The following GRID2 variants were observed in gnomAD, a reference collection of about 807,000 sequenced individuals.
GRID2 encodes the protein glutamate ionotropic receptor delta type subunit 2, also known as glutamate receptor ionotropic, delta-2.
GRID2 carries 33 observed loss-of-function variants against 114.8 expected under a neutral mutation model. The ratio of observed to expected loss-of-function variants is 0.29; its 90% CI spans 0.22 to 0.38. GRID2 has a LOEUF of 0.38. Ranked by LOEUF, GRID2 falls within the 10% of genes least tolerant of loss-of-function variation. The pLI, the probability that GRID2 is intolerant of heterozygous loss-of-function variation, is 1.00. For synonymous variants in GRID2, 505 were observed against 449.9 expected (o/e 1.12, Z -1.55); for missense variants, 1,184 against 1,257.7 (o/e 0.94, Z 0.89).
chr4:93,664,583 C>T (rs1723787344), intron 14 of GRID2, among the ~76,000 whole-genome samples: 1 of 152,088 alleles, frequency 6.6e-6, no homozygotes, highest in Admixed American at 6.6e-5. Context: ...TTGGTTTGAA[C>T]AACTAGAAGG....
At chr4:92,649,082 T>TTAACTATAG (rs1329503592) in intron 2 of GRID2, among the ~76,000 whole-genome samples, 19 of 124,024 alleles carry the variant, frequency 1.5e-4, no homozygotes, top group South Asian at 5.2e-4. Context: ...TTACTAAAAG[T>TTAACTATAG]TAACTATAGT....
At chr4:92,740,693 TAGA>T (rs1314097383) in intron 2 of GRID2, among the ~76,000 whole-genome samples, 1 of 17,304 alleles carries the variant, frequency 5.8e-5, no homozygotes, top group Non-Finnish European at 1.3e-4. Context: ...AGATAGATGA[TAGA>T]TAGATAGATA....
At chr4:92,829,075 A>G (rs1741925653) in intron 2 of GRID2, among the ~76,000 whole-genome samples, 1 of 152,154 alleles carries the variant, frequency 6.6e-6, no homozygotes. Context: ...TGTTTTAGTC[A>G]TGAAGTCTTT....
intron 2 of GRID2, among the ~76,000 whole-genome samples, chr4:92,640,277 T>C (rs1731281359): frequency 6.6e-6 from 1 of 151,808 alleles, no homozygotes; most frequent in Admixed American, 6.6e-5. Context: ...GATTTAATCT[T>C]ATATAAAAAG....
chr4:92,688,819 A>G (rs942511514), intron 2 of GRID2, among the ~76,000 whole-genome samples: 1 of 152,168 alleles, frequency 6.6e-6, no homozygotes, highest in Admixed American at 6.5e-5. Context: ...AGAATGGTGA[A>G]ATCTTTCTAG....
At position 93,272,767 on chromosome 4, in the gene GRID2, G is replaced by C. The variant is rs185350679; in HGVS notation, c.1245+34277G>C. On this transcript the variant is annotated intron_variant, in intron 8 of 15. Coordinates refer to ENST00000282020, the MANE Select transcript of GRID2 (RefSeq NM_001510.4). ...GACTACTGTAATAATGGTCCAGCAA[G>C]AGCTAGGGTGGCAGTCGACATGCAA... Among the ~76,000 whole-genome samples the C allele has an allele frequency of 1.2e-3, 179 of 152,320 alleles. 3 individuals are homozygous for C. Among genetic ancestry groups the C allele is most frequent in the African/African-American group, 4.3e-3 (177 of 41,584 alleles).
chr4:93,626,940 A>G (rs1377381166), intron 14 of GRID2, among the ~76,000 whole-genome samples: 2 of 152,322 alleles, frequency 1.3e-5, no homozygotes, highest in East Asian at 1.9e-4. Context: ...ACATCAAAGT[A>G]TATGTGAGAT....
intron 1 of GRID2, among the ~76,000 whole-genome samples, chr4:92,545,607 A>G (rs1726208747): frequency 6.6e-6 from 1 of 152,192 alleles, no homozygotes; most frequent in South Asian, 2.1e-4. Context: ...GGTAAATTTA[A>G]GTTCTAGAAT....
At chr4:93,354,202 C>T (rs1425809869) in intron 8 of GRID2, among the ~76,000 whole-genome samples, 1 of 151,990 alleles carries the variant, frequency 6.6e-6, no homozygotes, top group Non-Finnish European at 1.5e-5. Flanking sequence ...TCCAGTAACA[C>T]TAAGCCTTTT....
At chr4:93,437,409 A>G (rs886945198) in intron 10 of GRID2, among the ~76,000 whole-genome samples, 4 of 98,776 alleles carry the variant, frequency 4.0e-5, no homozygotes, top group African/African-American at 1.2e-4. Flanking sequence ...TCTGCAAAGC[A>G]TTTAAATAAA....
At chr4:92,662,308 C>T (rs562003172) in intron 2 of GRID2, among the ~76,000 whole-genome samples, 3 of 150,984 alleles carry the variant, frequency 2.0e-5, no homozygotes, top group Non-Finnish European at 3.0e-5. Context: ...ATATTTACTG[C>T]GTCATAATTT....
intron 4 of GRID2, among the ~76,000 whole-genome samples, chr4:93,143,605 TC>T (rs1396376263): frequency 1.3e-5 from 2 of 152,218 alleles, no homozygotes; most frequent in Non-Finnish European, 2.9e-5. Flanking sequence ...ACTATTACAT[TC>T]CACTTTAGAA....
At chr4:93,645,564 A>T (rs753291071) in intron 14 of GRID2, among the ~76,000 whole-genome samples, 2 of 152,146 alleles carry the variant, frequency 1.3e-5, no homozygotes, top group Non-Finnish European at 2.9e-5. Flanking sequence ...TTGCATTCCT[A>T]TTCTTTCCAT....
chr4:93,417,148 A>G (rs910737182), intron 9 of GRID2, among the ~76,000 whole-genome samples: 3 of 152,164 alleles, frequency 2.0e-5, no homozygotes, highest in African/African-American at 7.2e-5. Context: ...CTATAAAGGA[A>G]GACTCAAAGC....
intron 1 of GRID2, among the ~76,000 whole-genome samples, chr4:92,564,392 G>T (rs1727237399): frequency 6.6e-6 from 1 of 151,944 alleles, no homozygotes; most frequent in African/African-American, 2.4e-5. Context: ...TAATGGAGAA[G>T]AAAGACATAT....
intron 3 of GRID2, among the ~76,000 whole-genome samples, chr4:93,089,148 A>T (rs192425795): frequency 1.3e-5 from 2 of 152,166 alleles, no homozygotes; most frequent in South Asian, 2.1e-4. Context: ...AATATGAATG[A>T]TCTCTTCCTG....
intron 1 of GRID2, among the ~76,000 whole-genome samples, chr4:92,397,342 A>ATGTGTGTG (rs58085283): frequency 0.023 from 3,283 of 142,690 alleles, 122 homozygotes; most frequent in African/African-American, 0.081. Flanking sequence ...GTGTGTTTGT[A>ATGTGTGTG]TGTGTGTGTG....
intron 9 of GRID2, among the ~76,000 whole-genome samples, chr4:93,398,133 G>GTGTGTGTGTGTA: frequency 8.2e-6 from 1 of 122,336 alleles, no homozygotes; most frequent in African/African-American, 3.9e-5. Context: ...ATGTGTGTGT[G>GTGTGTGTGTGTA]TATATATATA....
chr4:92,439,000 C>CG (rs1560629424), intron 1 of GRID2, among the ~76,000 whole-genome samples: 1 of 152,090 alleles, frequency 6.6e-6, no homozygotes, highest in African/African-American at 2.4e-5. Flanking sequence ...TTTGTGTGAG[C>CG]AACATGGCTG....
Sources: gnomAD v4.1 joint callset for allele counts (sites outside exome capture counted in the v4.1 genomes callset) on GRCh38, gnomAD v4.1.1 for gene constraint, MANE v1.5 for transcripts, NCBI Gene and HGNC (gene_info 2026-07-23, HGNC 2026-07-21) for gene names.